Variants in HSD17B12 observed in about 807,000 individuals in gnomAD.
HSD17B12 encodes the protein hydroxysteroid 17-beta dehydrogenase 12, also known as very-long-chain 3-oxoacyl-CoA reductase.
A neutral mutation model predicts 39.3 loss-of-function variants in HSD17B12; 32 were observed. That is an observed-to-expected ratio of 0.81 (90% CI 0.61 to 1.09). The LOEUF (loss-of-function observed/expected upper bound fraction) is 1.09. Ranked by LOEUF, HSD17B12 falls within the 50% of genes least tolerant of loss-of-function variation. The pLI, the probability that HSD17B12 is intolerant of heterozygous loss-of-function variation, is 0.00. For synonymous variants in HSD17B12, 150 were observed against 146.7 expected, an observed-to-expected ratio of 1.02 and a Z score of -0.16; for missense variants, 342 against 382.9, an observed-to-expected ratio of 0.89 and a Z score of 0.89.
At chr11:43,589,928 T>C in the HSD17B12 span, among the ~76,000 whole-genome samples, 1 of 152,206 alleles carries the variant, frequency 6.6e-6, no homozygotes, top group African/African-American at 2.4e-5. Context: ...ATTAAAAGTA[T>C]CTGTTTCATA....
intron 3 of HSD17B12, among the ~76,000 whole-genome samples, chr11:43,767,924 A>G (rs577981730): frequency 1.8e-4 from 28 of 152,350 alleles, no homozygotes; most frequent in Non-Finnish European, 3.8e-4. Flanking sequence ...ACTTTTATGG[A>G]ACACTTAATC....
At chr11:43,697,375 T>C (rs1949922075) in intron 1 of HSD17B12, among the ~76,000 whole-genome samples, 1 of 152,198 alleles carries the variant, frequency 6.6e-6, no homozygotes, top group South Asian at 2.1e-4. Context: ...AAGATGATGA[T>C]GTTCATAATG....
chr11:43,661,998 G>A, the HSD17B12 span, among the ~76,000 whole-genome samples: 11 of 151,998 alleles, frequency 7.2e-5, no homozygotes, highest in Non-Finnish European at 7.4e-5. Flanking sequence ...CTGAATATCC[G>A]GTACCTCCAT....
At chr11:43,568,638 C>T in the HSD17B12 span, among the ~76,000 whole-genome samples, 115 of 152,296 alleles carry the variant, frequency 7.6e-4, no homozygotes, top group African/African-American at 1.1e-3. Context: ...AGTGCCCACA[C>T]ATTTTATAGG....
the HSD17B12 span, among the ~76,000 whole-genome samples, chr11:43,657,079 A>T: frequency 2.3e-4 from 35 of 152,072 alleles, no homozygotes; most frequent in African/African-American, 8.2e-4. Context: ...ATGAATCTGG[A>T]TGCTCCTGTA....
intron 4 of HSD17B12, among the ~76,000 whole-genome samples, chr11:43,806,655 G>C (rs1313514444): frequency 6.6e-6 from 1 of 152,170 alleles, no homozygotes; most frequent in Non-Finnish European, 1.5e-5. Flanking sequence ...ATCTCATGAA[G>C]ATAGAGAGTA....
intron 4 of HSD17B12, among the ~76,000 whole-genome samples, chr11:43,802,591 T>G (rs1351470626): frequency 6.6e-6 from 1 of 152,206 alleles, no homozygotes; most frequent in African/African-American, 2.4e-5. Flanking sequence ...AATTTATTGA[T>G]TTGTCTTAGC....
intron 1 of HSD17B12, among the ~76,000 whole-genome samples, chr11:43,732,886 C>T (rs953880320): frequency 2.0e-5 from 3 of 152,118 alleles, no homozygotes; most frequent in Non-Finnish European, 4.4e-5. Flanking sequence ...ATCGTCTTGC[C>T]TTGGCTTCTC....
chr11:43,609,013 C>T, the HSD17B12 span, among the ~76,000 whole-genome samples: 6 of 151,876 alleles, frequency 4.0e-5, no homozygotes, highest in African/African-American at 1.4e-4. Flanking sequence ...CAGCCTCGAC[C>T]TCCTTGGGCT....
At chr11:43,625,354 C>G in the HSD17B12 span, among the ~76,000 whole-genome samples, 2 of 151,366 alleles carry the variant, frequency 1.3e-5, no homozygotes, top group African/African-American at 4.8e-5. Flanking sequence ...TCACTAAGTG[C>G]TAAACTAATA....
intron 1 of HSD17B12, among the ~76,000 whole-genome samples, chr11:43,682,128 T>C (rs1949751956): frequency 6.6e-6 from 1 of 152,252 alleles, no homozygotes; most frequent in Non-Finnish European, 1.5e-5. Flanking sequence ...GAAAGACATA[T>C]GTTAACCTTT....
At chr11:43,654,534 A>G in the HSD17B12 span, among the ~76,000 whole-genome samples, 838 of 152,040 alleles carry the variant, frequency 5.5e-3, 11 homozygotes, top group African/African-American at 0.019. Context: ...TTTAGGTCTA[A>G]CATGTAAGTC....
At chr11:43,730,868 A>T (rs750248129) in intron 1 of HSD17B12, among the ~76,000 whole-genome samples, 2 of 152,338 alleles carry the variant, frequency 1.3e-5, no homozygotes, top group South Asian at 2.1e-4. Flanking sequence ...TGTGATAAGC[A>T]TGGTGGCTTA....
chr11:43,687,820 T>A (rs767814712), intron 1 of HSD17B12, among the ~76,000 whole-genome samples: 1 of 152,246 alleles, frequency 6.6e-6, no homozygotes, highest in Non-Finnish European at 1.5e-5. Context: ...TTCTATGACT[T>A]CCCTAGAGTT....
intron 3 of HSD17B12, among the ~76,000 whole-genome samples, chr11:43,794,806 T>C (rs1950901695): frequency 6.6e-6 from 1 of 152,228 alleles, no homozygotes; most frequent in Non-Finnish European, 1.5e-5. Context: ...CCAAATCCAA[T>C]TGTTTGTGCA....
intron 3 of HSD17B12, among the ~76,000 whole-genome samples, chr11:43,780,743 A>C (rs758395609): frequency 6.6e-6 from 1 of 152,030 alleles, no homozygotes; most frequent in Non-Finnish European, 1.5e-5. Flanking sequence ...TTAATGCATT[A>C]CTCACATTCT....
intron 1 of HSD17B12, among the ~76,000 whole-genome samples, chr11:43,742,702 A>AGTG (rs1200154633): frequency 4.6e-5 from 7 of 151,794 alleles, no homozygotes; most frequent in African/African-American, 1.7e-4. Flanking sequence ...GTAGAACTAC[A>AGTG]GTGGTGCTAT....
rs921344143 is a variant in HSD17B12, at chr11:43,739,977, A to G, written c.161-10934A>G. 2.6e-5 allele frequency among the ~76,000 whole-genome samples: 4 copies of G among 152,248 alleles called. No homozygotes were observed. In the South Asian group the frequency reaches 8.3e-4, roughly 32 times the overall value. On this transcript the variant is annotated intron_variant, in intron 1 of 10. Coordinates refer to ENST00000278353, the MANE Select transcript of HSD17B12 (RefSeq NM_016142.3). Reference sequence around the variant, plus strand: ...CTTTGGAGTGATTGTTTTGGCTACAATGTAGAGATTGAATTGGAGAGGAGT... The same window carrying G: ...CTTTGGAGTGATTGTTTTGGCTACAGTGTAGAGATTGAATTGGAGAGGAGT...
chr11:43,580,024 T>C, the HSD17B12 span, among the ~76,000 whole-genome samples: 11 of 149,360 alleles, frequency 7.4e-5, no homozygotes, highest in East Asian at 1.2e-3. Context: ...GGGAGGGAGA[T>C]AGTCAGGACG....
Sources: allele counts gnomAD v4.1 joint callset (sites outside exome capture counted in the v4.1 genomes callset), GRCh38; gene constraint gnomAD v4.1.1; transcripts MANE v1.5; gene names NCBI Gene and HGNC (gene_info 2026-07-23, HGNC 2026-07-21).